SYNJ2: variants seen among roughly 807,000 people sequenced by gnomAD.
SYNJ2 encodes synaptojanin 2, also known as polyphosphatidylinositol phosphatase SYNJ2.
A neutral mutation model predicts 141.3 loss-of-function variants in SYNJ2; 116 were observed. That is an observed-to-expected ratio of 0.82 (90% CI 0.71 to 0.96). The LOEUF is 0.96. Ranked by LOEUF, SYNJ2 falls within the 40% of genes least tolerant of loss-of-function variation. The pLI is 0.00. For synonymous variants in SYNJ2, 745 were observed against 777.7 expected (o/e 0.96, Z 0.70); for missense variants, 1,873 against 1,934.8 (o/e 0.97, Z 0.60).
chr6:158,064,951 A>C lies in SYNJ2; in HGVS notation c.1485A>C (p.Ala495=), dbSNP rs1193932929. 1 of 1,611,100 alleles carries C rather than the reference A, an allele frequency of 6.2e-7. No homozygotes were observed. Among genetic ancestry groups the C allele is most frequent in the Non-Finnish European group, 8.5e-7 (1 of 1,178,622 alleles). ...LVGDVYGEEV[A]DKGGMLLDST... ...GGGACGTCTACGGCGAGGAGGTGGC[A>C]GACAAAGGGGGCATGCTGCTGGACA... is the stretch of plus-strand genomic sequence containing the variant. The change falls in exon 11 of 27, where the codon GCA becomes GCC. Residue 495 remains alanine (A), a synonymous_variant. Coordinates refer to ENST00000355585, the MANE Select transcript of SYNJ2 (RefSeq NM_003898.4).
chr6:158,064,469 T>G, intron 9 of SYNJ2, 132 bp from the exon 10 acceptor site: 1 of 1,147,254 alleles, frequency 8.7e-7, no homozygotes, highest in Non-Finnish European at 1.3e-6. Flanking sequence ...GAACTCCTCA[T>G]CCTCTGGAGG....
In SYNJ2 at chr6:158,071,840, G is replaced by C; in HGVS notation, c.2133+46G>C. ...AGCCAGCACCTCCCTGCTCAGCTCA[G>C]TCCCAAATGTGACTGTTGATAGGAG... On this transcript the variant is annotated intron_variant, in intron 15 of 26. Transcript: ENST00000355585. This position sits in a 1 kb window ranked among gnomAD's most constrained non-coding sequence, Gnocchi z 4.3. 1 of 1,582,718 alleles carries C rather than the reference G, an allele frequency of 6.3e-7. No homozygotes were observed. The highest frequency in any genetic ancestry group is 1.3e-5 in the African/African-American group (1 of 74,358).
At chr6:158,069,403 A>T in intron 13 of SYNJ2, 130 bp from the exon 14 acceptor site, 2 of 1,141,400 alleles carry the variant, frequency 1.8e-6, no homozygotes, top group African/African-American at 3.1e-5. Context: ...GCATGACACT[A>T]ATATTGGGGT....
At chr6:158,046,099 T>C (rs1220461103) in intron 5 of SYNJ2, among the ~76,000 whole-genome samples, 2 of 152,138 alleles carry the variant, frequency 1.3e-5, no homozygotes, top group African/African-American at 4.8e-5. Context: ...CCCACCACCA[T>C]GCCTGGCTAA....
chr6:158,018,246 C>T (rs569690412), intron 2 of SYNJ2, among the ~76,000 whole-genome samples: 1 of 152,320 alleles, frequency 6.6e-6, no homozygotes, highest in South Asian at 2.1e-4. Flanking sequence ...GTTCCTGGAG[C>T]TCAGGAGCCC....
Position 158,078,036 on chromosome 6 carries a change from T to G in SYNJ2, c.2450-128T>G, listed in dbSNP as rs977466480. The G allele has an allele frequency of 2.0e-5, 13 of 644,722 alleles. No individual in the cohort carries two copies. In the African/African-American group the frequency reaches 2.1e-4, roughly 10 times the overall value. The allele number at this position is 644,722 out of a possible 1,614,324, so 39.9% of individuals were successfully genotyped here. ...GAAGCCTGGCTTCAAGGTGGAGGAG[T>G]AAGGAGGATGAGTCTGGGACGTGGG... On this transcript the variant is annotated intron_variant, in intron 17 of 26. Transcript: ENST00000355585.
rs1009269332 is a variant in SYNJ2, at chr6:158,068,736, G to A, written c.1799+8G>A. 8 of 1,613,862 alleles carry A rather than the reference G, an allele frequency of 5.0e-6. No homozygotes were observed. The South Asian group carries it at 8.8e-5, about 18-fold the overall frequency. On this transcript the variant is annotated splice_region_variant and intron_variant, in intron 13 of 26. Coordinates refer to ENST00000355585, the MANE Select transcript of SYNJ2 (RefSeq NM_003898.4). ...GAATATTGTCAATGCCAGGTAAGGG[G>A]CCAGGTGTGCGGGGCCAGGCAGGGA...
At chr6:158,044,068 C>T (rs1342194851) in intron 5 of SYNJ2, among the ~76,000 whole-genome samples, 1 of 152,222 alleles carries the variant, frequency 6.6e-6, no homozygotes, top group African/African-American at 2.4e-5. Context: ...AGGGGCCTCC[C>T]CACTAATCCC....
At chr6:158,022,149 G>T (rs1219447068) in intron 2 of SYNJ2, among the ~76,000 whole-genome samples, 1 of 152,222 alleles carries the variant, frequency 6.6e-6, no homozygotes, top group African/African-American at 2.4e-5. Context: ...TCTGGCCGAA[G>T]CTTCCCCCTT....
chr6:157,982,330 G>A lies in SYNJ2; in HGVS notation c.127+242G>A, dbSNP rs1408374727. ...GCCCCTCCACGGGGATCTCCGGCCC[G>A]CGCCGCCAGAGGATATGGTTGCTGG... On this transcript the variant is annotated intron_variant, in intron 1 of 26. Coordinates refer to ENST00000355585, the MANE Select transcript of SYNJ2 (RefSeq NM_003898.4). The surrounding 1 kb of genome is among the most constrained non-coding windows in gnomAD (Gnocchi z 4.0). Among the ~76,000 whole-genome samples, 2 of 152,338 alleles carry A rather than the reference G, an allele frequency of 1.3e-5. No individual in the cohort carries two copies. Among genetic ancestry groups the A allele is most frequent in the East Asian group, 3.9e-4 (2 of 5,180 alleles).
rs146430938 is a variant in SYNJ2 at position 158,020,732 on chromosome 6, G to A, written c.214+3442G>A. Among the ~76,000 whole-genome samples the A allele has an allele frequency of 2.6e-3, 403 of 152,352 alleles. 2 individuals are homozygous for A. The highest frequency in any genetic ancestry group is 8.6e-3 in the African/African-American group (357 of 41,584). On this transcript the variant is annotated intron_variant, in intron 2 of 26. Transcript: ENST00000355585. ...TGTGACTCCAACTTTCAGTTGCCAC[G>A]AAGACAACCAGCTGAGTCAGGAGTG...
rs188538195 is a variant in SYNJ2 at position 158,083,414 on chromosome 6, G to T, written c.2866-15G>T. 6 of 1,610,630 alleles carry T rather than the reference G, an allele frequency of 3.7e-6. No individual in the cohort carries two copies. The African/African-American group carries it at 6.7e-5, about 18-fold the overall frequency. The stretch of plus-strand genomic sequence containing the variant: ...GATTTTTATTTATTCCTGGGTGGCC[G>T]CTCTGCCCTCCCAGGTGAAAGGCAG... On this transcript the variant is annotated splice_polypyrimidine_tract_variant and intron_variant, in intron 20 of 26. Transcript: ENST00000355585.
At chr6:158,062,231 G>A (rs566877119) in intron 8 of SYNJ2, 67 bp downstream of exon 8, 94 of 1,574,612 alleles carry the variant, frequency 6.0e-5, no homozygotes, top group South Asian at 9.5e-5. Context: ...GGTGAGGCTC[G>A]CTGCGTGCTG....
rs751761280 is a variant in SYNJ2, at chr6:158,096,011, CA to C, written c.4140del (p.Asp1382ThrfsTer19). The C allele has an allele frequency of 6.2e-7, 1 of 1,614,252 alleles. No individual in the cohort carries two copies. The highest frequency in any genetic ancestry group is 1.7e-5 in the Admixed American group (1 of 60,034). ...HPPAAGTVFPQGDFLSTSSAT... is the reference protein window; with the variant it reads ...HPPAAGTVFPXGDFLSTSSAT... ...ACCTGCCGCGGGCACCGTCTTCCCA[CA>C]AGGGGACTTTCTCAGCACTTCATCT... On this transcript the variant is annotated frameshift_variant, in exon 27 of 27. Transcript: ENST00000355585. LOFTEE classifies it low-confidence loss of function (END_TRUNC).
intron 1 of SYNJ2, among the ~76,000 whole-genome samples, chr6:158,014,414 TG>T (rs1317941503): frequency 6.6e-6 from 1 of 152,232 alleles, no homozygotes; most frequent in Non-Finnish European, 1.5e-5. Flanking sequence ...TTGACAAAAA[TG>T]TTGCAACCTG....
At chr6:157,991,944 G>C (rs549842481) in intron 1 of SYNJ2, among the ~76,000 whole-genome samples, 1 of 152,264 alleles carries the variant, frequency 6.6e-6, no homozygotes, top group East Asian at 1.9e-4. Flanking sequence ...TTCCATGGCT[G>C]GTTTAGCAGA....
Position 158,071,493 on chromosome 6 carries a change from G to T in SYNJ2, c.1941-109G>T. ...ACTGTGTTGAGCTGATGATTTTGGAGCACTCAGAGCAGCAGGTCCCGAGCT... is the reference window on the plus strand; with the variant it reads ...ACTGTGTTGAGCTGATGATTTTGGATCACTCAGAGCAGCAGGTCCCGAGCT... On this transcript the variant is annotated intron_variant, in intron 14 of 26. Coordinates refer to ENST00000355585, the MANE Select transcript of SYNJ2 (RefSeq NM_003898.4). The surrounding 1 kb of genome is among the most constrained non-coding windows in gnomAD (Gnocchi z 4.3). The T allele has an allele frequency of 7.8e-7, 1 of 1,275,230 alleles. No homozygotes were observed. The allele number at this position is 1,275,230 out of a possible 1,614,324, so 79.0% of individuals were successfully genotyped here.
In SYNJ2 at chr6:158,062,261, C is replaced by T. The variant is rs146650523; in HGVS notation, c.1127+97C>T. 4,969 of 1,543,496 alleles carry T rather than the reference C, an allele frequency of 3.2e-3. 14 individuals are homozygous for T. The highest frequency in any genetic ancestry group is 7.5e-3 in the Middle Eastern group (31 of 4,150). ...GTGCTGTGCCTTCTGCTGGGTGAGG[C>T]GGCAGAGGGGCCGTGCAGTCTAGGA... is the stretch of plus-strand genomic sequence containing the variant. On this transcript the variant is annotated intron_variant, in intron 8 of 26. Transcript: ENST00000355585.
chr6:157,999,216 C>T lies in SYNJ2; in HGVS notation c.127+17128C>T, dbSNP rs116355196. ...CCAGTGTGGCCGGCTCTGCCCAGCA[C>T]GGCCATTTGCACATGGTCACTGTTG... is the stretch of plus-strand genomic sequence containing the variant. On this transcript the variant is annotated intron_variant, in intron 1 of 26. Transcript: ENST00000355585. Among the ~76,000 whole-genome samples, 709 of 152,356 alleles carry T rather than the reference C, an allele frequency of 4.7e-3. 4 individuals are homozygous for T. Among genetic ancestry groups the T allele is most frequent in the African/African-American group, 0.016 (665 of 41,582 alleles).
Sources: gnomAD v4.1 joint callset for allele counts (sites outside exome capture counted in the v4.1 genomes callset) on GRCh38, gnomAD v4.1.1 for gene constraint, Gnocchi (gnomAD v3.1) non-coding constraint, MANE v1.5 for transcripts, NCBI Gene and HGNC (gene_info 2026-07-23, HGNC 2026-07-21) for gene names.